The following PMS2 variants were observed in gnomAD, a reference collection of about 807,000 sequenced individuals.
PMS2 encodes mismatch repair endonuclease PMS2.
PMS2 carries 69 observed loss-of-function variants against 90.0 expected under a neutral mutation model. The observed-to-expected ratio is 0.77, with a 90% CI of 0.63 to 0.94. The LOEUF is 0.94. PMS2 is among the 40% of genes least tolerant of loss of function. The probability of loss-of-function intolerance (pLI) is 0.00; values close to 1 mark genes in which losing one functional copy is unlikely to be tolerated. For missense variants in PMS2, 966 were observed against 1,040.2 expected, an observed-to-expected ratio of 0.93 and a Z score of 0.98; for synonymous variants, 332 against 375.1, an observed-to-expected ratio of 0.89 and a Z score of 1.33.
intron 9 of PMS2, 111 bp downstream of exon 9, chr7:5,991,862 T>A: frequency 4.3e-6 from 3 of 704,064 alleles, no homozygotes; most frequent in Non-Finnish European, 7.7e-6. Flanking sequence ...AACAAAAAAC[T>A]TACATGACCA....
chr7:5,995,012 G>C (rs1055146532), intron 8 of PMS2, among the ~76,000 whole-genome samples: 3 of 151,874 alleles, frequency 2.0e-5, no homozygotes, highest in Admixed American at 1.3e-4. Flanking sequence ...AATAACTTCT[G>C]CAACAAGGTA....
intron 8 of PMS2, among the ~76,000 whole-genome samples, chr7:5,992,316 A>ATTTTTT (rs1444607368): frequency 7.1e-6 from 1 of 140,902 alleles, no homozygotes. Context: ...TACAGGCAGG[A>ATTTTTT]TTTTTTTTTC....
upstream of PMS2, chr7:6,009,068 G>C (rs952806552): frequency 1.9e-6 from 3 of 1,600,792 alleles, no homozygotes; most frequent in Non-Finnish European, 2.6e-6. Flanking sequence ...TCCCTCCAGG[G>C]CTCCCACAGG....
At chr7:6,003,590 G>A (rs1490810102) in intron 4 of PMS2, 100 bp downstream of exon 4, 4 of 715,162 alleles carry the variant, frequency 5.6e-6, no homozygotes, top group East Asian at 2.6e-5. Flanking sequence ...GCTAGAAGTT[G>A]AGATGTTGAG....
chr7:6,002,704 T>C, intron 4 of PMS2, 68 bp from the exon 5 acceptor site: 2 of 1,199,670 alleles, frequency 1.7e-6, no homozygotes. Context: ...GACTACTCTT[T>C]TCTTCACTTG....
chr7:5,988,541 C>T (rs773322894), intron 10 of PMS2, among the ~76,000 whole-genome samples: 25 of 152,080 alleles, frequency 1.6e-4, no homozygotes, highest in African/African-American at 3.4e-4. Flanking sequence ...CCAGCCTGGG[C>T]GACAGAGTGA....
chr7:5,989,746 G>T (rs2128746389), intron 10 of PMS2, 54 bp downstream of exon 10: 1 of 1,378,946 alleles, frequency 7.3e-7, no homozygotes, highest in Non-Finnish European at 1.0e-6. Flanking sequence ...AAAAAATAAG[G>T]AAACACATTA....
At chr7:5,997,556 G>A in intron 6 of PMS2, 133 bp from the exon 7 acceptor site, 1 of 661,012 alleles carries the variant, frequency 1.5e-6, no homozygotes, top group Non-Finnish European at 2.7e-6. Context: ...GTTTTGTTTT[G>A]TTTTTTGAGA....
chr7:6,000,663 T>C (rs776543215), intron 5 of PMS2, among the ~76,000 whole-genome samples: 1 of 152,110 alleles, frequency 6.6e-6, no homozygotes, highest in South Asian at 2.1e-4. Context: ...TTCTCTACTT[T>C]AGAAAATTTA....
chr7:5,987,288 C>G lies in PMS2; in HGVS notation c.1477G>C (p.Asp493His), dbSNP rs148642064. The change falls in exon 11 of 15, where the codon GAC (aspartate) becomes CAC (histidine). Residue 493 changes from aspartate to histidine, a missense_variant. Physicochemically the swap from Asp to His is moderately conservative, Grantham distance 81. Transcript: ENST00000265849. ...DPTDRAEVEKDSGHGSTSVDS... is the reference protein window; with the variant it reads ...DPTDRAEVEKHSGHGSTSVDS... ...ACGGAAGTGCTGCCGTGCCCCGAGT[C>G]CTTCTCCACCTCCGCTCTGTCCGTA... 6.2e-7 allele frequency: 1 copy of G among 1,614,152 alleles called. No individual in the cohort carries two copies. The highest frequency in any genetic ancestry group is 8.5e-7 in the Non-Finnish European group (1 of 1,180,020).
At chr7:5,986,735 A>G in intron 11 of PMS2, 24 bp downstream of exon 11, 1 of 1,523,272 alleles carries the variant, frequency 6.6e-7, no homozygotes, top group South Asian at 1.3e-5. Context: ...TAAAAAGAGA[A>G]AAAGTAAAAA....
chr7:6,002,321 T>G, intron 5 of PMS2, 132 bp downstream of exon 5: 1 of 708,450 alleles, frequency 1.4e-6, no homozygotes, highest in South Asian at 1.6e-5. Context: ...AAATCTTTAA[T>G]GAGAAATGCA....
At position 5,992,031 on chromosome 7, in the gene PMS2, G is replaced by A. The variant is rs1405625567; in HGVS notation, c.930C>T (p.Tyr310=). ...GATACTGGTGTCGATTATACATGTG[G>A]TAGACCTCATTCACGAGTCTGCAGA... ...AKVCRLVNEV[Y]HMYNRHQYPF... Residue 310 remains tyrosine, a synonymous_variant, in exon 9 of 15, where the codon TAC becomes TAT. Coordinates refer to ENST00000265849, the MANE Select transcript of PMS2 (RefSeq NM_000535.7). 4.4e-6 allele frequency: 7 copies of A among 1,597,918 alleles called. No homozygotes were observed. The highest frequency in any genetic ancestry group is 6.0e-6 in the Non-Finnish European group (7 of 1,165,384).
intron 8 of PMS2, among the ~76,000 whole-genome samples, chr7:5,993,361 A>G (rs1783975718): frequency 8.7e-6 from 1 of 115,404 alleles, no homozygotes; most frequent in Non-Finnish European, 1.7e-5. Context: ...ACAGAGCTAG[A>G]CTCCGTCTCA....
rs63750686 is a variant in PMS2, at chr7:5,987,189, C to A, written c.1576G>T (p.Asp526Tyr). Residue 526 changes from aspartate (D) to tyrosine (Y), a missense_variant, in exon 11 of 15, where the codon GAC becomes TAC. Asp to Tyr is a radical substitution (Grantham distance 160, BLOSUM62 -3). Around this residue, in one of 2 missense-constraint regions of PMS2, gnomAD observed 871 missense variants for 802.4 expected, o/e 1.09. Coordinates refer to ENST00000265849, the MANE Select transcript of PMS2 (RefSeq NM_000535.7). ...TCCACATGTTCCTGCGAGCCCCTGT[C>A]CCCTGGGGAGCTGGCCGCATACTCG... ...SSEYAASSPG[D>Y]RGSQEHVDSQ... 1.9e-5 allele frequency: 30 copies of A among 1,613,884 alleles called. No individual in the cohort carries two copies. The African/African-American group carries it at 3.3e-4, about 18-fold the overall frequency.
In PMS2 at chr7:5,990,934, G is replaced by A. The variant is rs528752659; in HGVS notation, c.989-979C>T. ...GGAGGCTGAGGCGGGAGAATCGCTTGAACTCAGGAATCGGAGGTTACAGTG... is the reference window on the plus strand; with the variant it reads ...GGAGGCTGAGGCGGGAGAATCGCTTAAACTCAGGAATCGGAGGTTACAGTG... On this transcript the variant is annotated intron_variant, in intron 9 of 14. Coordinates refer to ENST00000265849, the MANE Select transcript of PMS2 (RefSeq NM_000535.7). 3.3e-5 allele frequency among the ~76,000 whole-genome samples: 5 copies of A among 152,246 alleles called. No individual in the cohort carries two copies. In the East Asian group the frequency reaches 9.7e-4, roughly 29 times the overall value.
At position 5,972,834 on chromosome 7, in the gene PMS2, T is replaced by G. The variant is rs1263865711; in HGVS notation, c.*565A>C. ...TTCCAAAGTGGTTTGGTTTTTTTTTTTTTGTTTTGTTTTGTTTTGTTTTTT... is the reference window on the plus strand; with the variant it reads ...TTCCAAAGTGGTTTGGTTTTTTTTTGTTTGTTTTGTTTTGTTTTGTTTTTT... On this transcript the variant is annotated 3_prime_UTR_variant, in exon 15 of 15. Coordinates refer to ENST00000265849, the MANE Select transcript of PMS2 (RefSeq NM_000535.7). Among the ~76,000 whole-genome samples, 1 of 68,538 alleles carries G rather than the reference T, an allele frequency of 1.5e-5. No individual in the cohort carries two copies. The highest frequency in any genetic ancestry group is 7.3e-5 in the African/African-American group (1 of 13,740). The allele number at this position is 68,538 out of a possible 152,430, so 45.0% of individuals were successfully genotyped here.
chr7:6,000,377 T>TA (rs67186373), intron 5 of PMS2, among the ~76,000 whole-genome samples: 1,789 of 122,792 alleles, frequency 0.015, 40 homozygotes, highest in African/African-American at 0.051. Flanking sequence ...CTGTCTCAAT[T>TA]AAAAAAAAAA....
rs371988762 is a variant in PMS2, at chr7:5,973,366, G to A, written c.*33C>T. ...TGTCTTTCAAAACATAAAAATCTGC[G>A]ATAAAACCAATTATTCCATACAGTG... On this transcript the variant is annotated 3_prime_UTR_variant, in exon 15 of 15. Transcript: ENST00000265849. The A allele has an allele frequency of 2.0e-5, 18 of 878,350 alleles. 1 individual carries two copies. The highest frequency in any genetic ancestry group is 2.9e-5 in the Non-Finnish European group (16 of 553,672). The allele number at this position is 878,350 out of a possible 1,614,324, so 54.4% of individuals were successfully genotyped here. A position where few individuals can be genotyped will look rare whatever the true frequency, so the allele number is the denominator to read the frequency against.
Sources: gnomAD v4.1 joint callset for allele counts (sites outside exome capture counted in the v4.1 genomes callset) on GRCh38, gnomAD v4.1.1 for gene constraint, gnomAD v4.1.1 regional missense constraint, MANE v1.5 for transcripts, NCBI Gene and HGNC (gene_info 2026-07-23, HGNC 2026-07-21) for gene names.